Variants in CACHD1 observed in about 807,000 individuals in gnomAD.
CACHD1 encodes the protein VWFA and cache domain-containing protein 1.
In CACHD1, 71 loss-of-function variants were observed where a neutral mutation model predicts 138.7. The ratio of observed to expected loss-of-function variants is 0.51; its 90% CI spans 0.42 to 0.62. The LOEUF (loss-of-function observed/expected upper bound fraction) is 0.62. CACHD1 is among the 20% of genes least tolerant of loss of function. The pLI, the probability that CACHD1 is intolerant of heterozygous loss-of-function variation, is 0.00. For synonymous variants in CACHD1, 578 were observed against 591.5 expected (o/e 0.98, Z 0.33); for missense variants, 1,389 against 1,625.3 (o/e 0.85, Z 2.50).
At chr1:64,539,168 A>AT (rs1646657443) in intron 1 of CACHD1, among the ~76,000 whole-genome samples, 1 of 152,060 alleles carries the variant, frequency 6.6e-6, no homozygotes, top group Non-Finnish European at 1.5e-5. Context: ...AATGGACTGC[A>AT]TTTTTTTCTT....
chr1:64,550,346 T>G (rs1452219155), intron 1 of CACHD1, among the ~76,000 whole-genome samples: 1 of 152,206 alleles, frequency 6.6e-6, no homozygotes. Context: ...TATAATTAAA[T>G]GTATTTTTGA....
At chr1:64,635,363 A>T (rs139211774) in intron 7 of CACHD1, among the ~76,000 whole-genome samples, 1 of 148,442 alleles carries the variant, frequency 6.7e-6, no homozygotes, top group African/African-American at 2.5e-5. Context: ...TCAGATGTAC[A>T]AAGGCACTCT....
At chr1:64,589,811 A>G (rs1647083462) in intron 3 of CACHD1, among the ~76,000 whole-genome samples, 1 of 152,350 alleles carries the variant, frequency 6.6e-6, no homozygotes, top group East Asian at 1.9e-4. Context: ...GGCCAAACCT[A>G]TCTGGGTAAC....
chr1:64,547,593 C>T (rs1646727384), intron 1 of CACHD1, among the ~76,000 whole-genome samples: 1 of 152,190 alleles, frequency 6.6e-6, no homozygotes. Flanking sequence ...TCTTGAACTC[C>T]TGACCTCAGG....
At chr1:64,678,551 G>T (rs1374979484) in intron 23 of CACHD1, among the ~76,000 whole-genome samples, 2 of 152,252 alleles carry the variant, frequency 1.3e-5, no homozygotes, top group African/African-American at 2.4e-5. Context: ...CATAAAGCTT[G>T]TTCTGATAAA....
At chr1:64,507,872 T>C (rs1439988894) in intron 1 of CACHD1, among the ~76,000 whole-genome samples, 1 of 152,232 alleles carries the variant, frequency 6.6e-6, no homozygotes, top group Non-Finnish European at 1.5e-5. Flanking sequence ...CATCTTTAAA[T>C]CTTAAAGTAG....
chr1:64,669,291 C>G (rs1557549005), intron 16 of CACHD1, among the ~76,000 whole-genome samples: 1 of 152,042 alleles, frequency 6.6e-6, no homozygotes, highest in Admixed American at 6.6e-5. Flanking sequence ...CTTAAGAGGT[C>G]GAGTCCCAAA....
chr1:64,640,855 C>A (rs1648688774), intron 7 of CACHD1, among the ~76,000 whole-genome samples: 1 of 150,768 alleles, frequency 6.6e-6, no homozygotes. Flanking sequence ...TTAGCCTCTG[C>A]TTATTTATCT....
At chr1:64,568,058 T>C (rs115886666) in intron 2 of CACHD1, among the ~76,000 whole-genome samples, 3,550 of 152,284 alleles carry the variant, frequency 0.023, 64 homozygotes, top group Non-Finnish European at 0.033. Context: ...TTGATGACTC[T>C]TTTGTCTTTC....
chr1:64,653,048 A>G (rs1259608013), intron 10 of CACHD1, among the ~76,000 whole-genome samples: 2 of 152,218 alleles, frequency 1.3e-5, no homozygotes, highest in Non-Finnish European at 2.9e-5. Context: ...ATGGAATACT[A>G]TGCAGCCATA....
At chr1:64,553,577 C>G (rs1172294798) in intron 2 of CACHD1, among the ~76,000 whole-genome samples, 1 of 152,096 alleles carries the variant, frequency 6.6e-6, no homozygotes, top group Non-Finnish European at 1.5e-5. Flanking sequence ...TGAAATTTAT[C>G]AAATATATGG....
At position 64,673,026 on chromosome 1, in the gene CACHD1, A is replaced by G. The variant is rs1649865162; in HGVS notation, c.2511-132A>G. The G allele has an allele frequency of 5.0e-6, 4 of 802,546 alleles. No individual in the cohort carries two copies. In the Admixed American group the frequency reaches 8.7e-5, roughly 18 times the overall value. The allele number at this position is 802,546 out of a possible 1,614,324, so 49.7% of individuals were successfully genotyped here. A position where few individuals can be genotyped will look rare whatever the true frequency, so the allele number is the denominator to read the frequency against. On this transcript the variant is annotated intron_variant, in intron 17 of 26. Transcript: ENST00000651257. Reference sequence around the variant, plus strand: ...CCTGCCAGCTTCCCTTCATTTTTCCAATGAGTATTTATTGAGAACCTGGGA... The same window carrying G: ...CCTGCCAGCTTCCCTTCATTTTTCCGATGAGTATTTATTGAGAACCTGGGA...
intron 1 of CACHD1, among the ~76,000 whole-genome samples, chr1:64,478,237 T>C (rs1473026875): frequency 6.6e-6 from 1 of 152,180 alleles, no homozygotes; most frequent in Non-Finnish European, 1.5e-5. Flanking sequence ...CCAAGCTTCT[T>C]TGGGGAAGCT....
intron 4 of CACHD1, among the ~76,000 whole-genome samples, chr1:64,626,472 G>A (rs1648105035): frequency 6.6e-6 from 1 of 152,176 alleles, no homozygotes; most frequent in Non-Finnish European, 1.5e-5. Context: ...TGAATATATT[G>A]TCACTCCGCA....
chr1:64,664,645 A>C lies in CACHD1; in HGVS notation c.2242A>C (p.Met748Leu). The C allele has an allele frequency of 6.2e-7, 1 of 1,614,198 alleles. No homozygotes were observed. Among genetic ancestry groups the C allele is most frequent in the Non-Finnish European group, 8.5e-7 (1 of 1,180,024 alleles). ...CCTCAGAATTTATCCTGGTTCCCTC[A>C]TGGACAAAGCATTTGATCCCACTAG... ...GVLRIYPGSLMDKAFDPTRRQ... is the reference protein window; with the variant it reads ...GVLRIYPGSLLDKAFDPTRRQ... The change falls in exon 15 of 27, where the codon ATG (methionine) becomes CTG (leucine). Residue 748 changes from methionine to leucine, a missense_variant. By Grantham distance (15) the Met-to-Leu change is conservative. Around this residue, in one of 5 missense-constraint regions of CACHD1, gnomAD observed 1,000 missense variants for 1,114.7 expected, o/e 0.90. Transcript: ENST00000651257.
At chr1:64,673,059 A>C (rs1241635782) in intron 17 of CACHD1, 99 bp from the exon 18 acceptor site, 1 of 954,848 alleles carries the variant, frequency 1.0e-6, no homozygotes, top group East Asian at 2.4e-5. Flanking sequence ...GGATAAATGC[A>C]GTTTGTTTCA....
At position 64,470,776 on chromosome 1, in the gene CACHD1, C is replaced by A. The variant is rs1307102311; in HGVS notation, c.32C>A (p.Ala11Asp). The A allele has an allele frequency of 7.4e-6, 7 of 944,124 alleles. No homozygotes were observed. Among genetic ancestry groups the A allele is most frequent in the Middle Eastern group, 3.1e-4 (1 of 3,180 alleles). The allele number at this position is 944,124 out of a possible 1,614,324, so 58.5% of individuals were successfully genotyped here. A position where few individuals can be genotyped will look rare whatever the true frequency, so the allele number is the denominator to read the frequency against. Residue 11 changes from alanine to aspartate, a missense_variant, in exon 1 of 27, where the codon GCC becomes GAC. By Grantham distance (126) the Ala-to-Asp change is moderately radical. Around this residue, in one of 5 missense-constraint regions of CACHD1, gnomAD observed 1,000 missense variants for 1,114.7 expected, o/e 0.90. Coordinates refer to ENST00000651257, the MANE Select transcript of CACHD1 (RefSeq NM_020925.4). This position sits in a 1 kb window ranked among gnomAD's most constrained non-coding sequence, Gnocchi z 5.2. The part of the protein sequence containing the change: MARQPEEEET[A>D]VARARRPPLW... ...CGCCAGCCGGAGGAAGAGGAGACGGCCGTGGCCCGGGCGCGGCGGCCGCCC... is the reference window on the plus strand; with the variant it reads ...CGCCAGCCGGAGGAAGAGGAGACGGACGTGGCCCGGGCGCGGCGGCCGCCC...
chr1:64,536,238 A>C (rs1391533715), intron 1 of CACHD1, among the ~76,000 whole-genome samples: 1 of 152,146 alleles, frequency 6.6e-6, no homozygotes, highest in Admixed American at 6.5e-5. Context: ...TGGAGATAGG[A>C]AAATGGAGTC....
At chr1:64,493,112 C>T (rs1473995031) in intron 1 of CACHD1, among the ~76,000 whole-genome samples, 1 of 152,200 alleles carries the variant, frequency 6.6e-6, no homozygotes, top group African/African-American at 2.4e-5. Context: ...TCACATCAAA[C>T]GAAATGTCTC....
Sources: gnomAD v4.1 joint callset for allele counts (sites outside exome capture counted in the v4.1 genomes callset) on GRCh38, gnomAD v4.1.1 for gene constraint, gnomAD v4.1.1 regional missense constraint, Gnocchi (gnomAD v3.1) non-coding constraint, MANE v1.5 for transcripts, NCBI Gene and HGNC (gene_info 2026-07-23, HGNC 2026-07-21) for gene names.